FBXL2: variants seen among roughly 807,000 people sequenced by gnomAD.
FBXL2 encodes F-box/LRR-repeat protein 2.
In FBXL2, 38 loss-of-function variants were observed where a neutral mutation model predicts 69.2. The ratio of observed to expected loss-of-function variants is 0.55; its 90% confidence interval spans 0.42 to 0.72. The LOEUF (loss-of-function observed/expected upper bound fraction) is 0.72, where lower values mean the gene tolerates loss of function less well. FBXL2 is among the 30% of genes least tolerant of loss of function. The pLI is 0.00. For missense variants in FBXL2, 354 were observed against 520.3 expected (o/e 0.68, Z 3.11); for synonymous variants, 192 against 201.3 (o/e 0.95, Z 0.39).
chr3:33,344,598 T>G (rs921976753), intron 2 of FBXL2, among the ~76,000 whole-genome samples: 6 of 151,996 alleles, frequency 3.9e-5, no homozygotes, highest in Non-Finnish European at 7.4e-5. Context: ...ACCAAAAATG[T>G]GGTAAGTAAA....
the FBXL2 span, chr3:33,409,167 C>A: frequency 6.9e-7 from 1 of 1,446,116 alleles, no homozygotes; most frequent in Non-Finnish European, 9.6e-7. Flanking sequence ...TGTAGCAGAA[C>A]TCATCTTAGA....
At chr3:33,332,098 A>G (rs954039029) in intron 2 of FBXL2, among the ~76,000 whole-genome samples, 7 of 152,084 alleles carry the variant, frequency 4.6e-5, no homozygotes, top group Admixed American at 1.3e-4. Context: ...TACCTAAATT[A>G]AAAAAACCTA....
chr3:33,405,982 T>C (rs570722317), downstream of FBXL2, among the ~76,000 whole-genome samples: 98 of 152,340 alleles, frequency 6.4e-4, no homozygotes, highest in Non-Finnish European at 1.2e-3. Flanking sequence ...GATTGCAGAC[T>C]TATTACTTCT....
chr3:33,317,282 G>A (rs1473028331), intron 2 of FBXL2, among the ~76,000 whole-genome samples: 4 of 152,044 alleles, frequency 2.6e-5, no homozygotes, highest in African/African-American at 9.7e-5. Context: ...GCACCGTGTT[G>A]GTGATTATTC....
chr3:33,355,763 A>G (rs1243937308), intron 2 of FBXL2, among the ~76,000 whole-genome samples: 1 of 152,248 alleles, frequency 6.6e-6, no homozygotes, highest in Non-Finnish European at 1.5e-5. Context: ...GAGATAAGGA[A>G]GCACTTTCTA....
At chr3:33,340,576 T>TA (rs111348589) in intron 2 of FBXL2, among the ~76,000 whole-genome samples, 7,712 of 110,020 alleles carry the variant, frequency 0.07, 772 homozygotes, top group African/African-American at 0.23. Flanking sequence ...TTATTTTGAT[T>TA]AAAAAAAAAA....
At chr3:33,401,094 G>C (rs958722313) in intron 12 of FBXL2, 9 of 1,355,466 alleles carry the variant, frequency 6.6e-6, no homozygotes, top group Non-Finnish European at 9.0e-6. Context: ...AAAAGCTGTT[G>C]CATTGTAACT....
intron 2 of FBXL2, among the ~76,000 whole-genome samples, chr3:33,346,157 C>T (rs985047934): frequency 1.3e-5 from 2 of 151,818 alleles, no homozygotes; most frequent in East Asian, 1.9e-4. Flanking sequence ...ACCTGGGAGG[C>T]GAAGGTTGCA....
chr3:33,376,161 AAAAAAAC>A (rs1334534882), intron 10 of FBXL2, among the ~76,000 whole-genome samples: 2 of 152,092 alleles, frequency 1.3e-5, no homozygotes, highest in East Asian at 1.9e-4. Context: ...CATCTCAAAA[AAAAAAAC>A]AAAAAAAACA....
intron 1 of FBXL2, among the ~76,000 whole-genome samples, chr3:33,282,843 C>T (rs1487033390): frequency 6.6e-6 from 1 of 152,124 alleles, no homozygotes; most frequent in East Asian, 1.9e-4. Context: ...ATTTGGCTCT[C>T]TGTTTGTCTG....
intron 2 of FBXL2, among the ~76,000 whole-genome samples, chr3:33,331,865 T>C (rs1418744696): frequency 6.6e-6 from 1 of 152,120 alleles, no homozygotes; most frequent in Non-Finnish European, 1.5e-5. Flanking sequence ...ATACAAAATG[T>C]AGCATAGAGA....
chr3:33,403,785 T>C (rs886693762), downstream of FBXL2: 1 of 152,138 alleles, frequency 6.6e-6, no homozygotes, highest in African/African-American at 2.4e-5. Context: ...CAAATACAAG[T>C]CTTCAGACTT....
intron 14 of FBXL2, 23 bp downstream of exon 14, chr3:33,384,224 A>C (rs754002887): frequency 1.2e-6 from 2 of 1,605,312 alleles, no homozygotes; most frequent in Non-Finnish European, 1.7e-6. Flanking sequence ...CAGGGGAGTC[A>C]GTCACACCTG....
intron 2 of FBXL2, among the ~76,000 whole-genome samples, chr3:33,349,987 G>T (rs910372694): frequency 6.6e-6 from 1 of 152,118 alleles, no homozygotes; most frequent in Non-Finnish European, 1.5e-5. Context: ...AATGATACCA[G>T]TTCTCTATAA....
chr3:33,316,544 C>T (rs2037713199), intron 2 of FBXL2, among the ~76,000 whole-genome samples: 1 of 152,146 alleles, frequency 6.6e-6, no homozygotes, highest in African/African-American at 2.4e-5. Context: ...TCAAAATTTC[C>T]TCCCAGTATC....
At chr3:33,396,944 G>T in intron 12 of FBXL2, 1 of 1,055,414 alleles carries the variant, frequency 9.5e-7, no homozygotes, top group Non-Finnish European at 1.5e-6. Context: ...GGCGCACACA[G>T]GCACACACGC....
intron 5 of FBXL2, chr3:33,372,774 T>G (rs773983925): frequency 4.3e-6 from 2 of 467,558 alleles, no homozygotes; most frequent in Admixed American, 3.6e-5. Context: ...TAGGCCTCTA[T>G]TCTCATGATT....
chr3:33,365,753 AC>A (rs1212227442), intron 5 of FBXL2, among the ~76,000 whole-genome samples: 3 of 67,524 alleles, frequency 4.4e-5, no homozygotes, highest in African/African-American at 2.1e-4. Context: ...AAACAAACAA[AC>A]CAACAACAAT....
intron 13 of FBXL2, among the ~76,000 whole-genome samples, chr3:33,379,418 G>A (rs189100014): frequency 1.7e-4 from 26 of 152,084 alleles, no homozygotes; most frequent in East Asian, 1.9e-4. Context: ...GCAGTGGCGC[G>A]ACCTCAGCTC....
Sources: allele counts gnomAD v4.1 joint callset (sites outside exome capture counted in the v4.1 genomes callset), GRCh38; gene constraint gnomAD v4.1.1; transcripts MANE v1.5; gene names NCBI Gene and HGNC (gene_info 2026-07-23, HGNC 2026-07-21).